The following HDAC9 variants were observed in gnomAD, a reference collection of about 807,000 sequenced individuals.
The protein encoded by HDAC9 is histone deacetylase 9, also known as MEF-2 interacting transcription repressor (MITR) protein.
In HDAC9, 41 loss-of-function variants were observed where a neutral mutation model predicts 139.4. The ratio of observed to expected loss-of-function variants is 0.29; its 90% CI spans 0.23 to 0.38. HDAC9 has a LOEUF of 0.38. HDAC9 is among the 10% of genes least tolerant of loss of function. The probability of loss-of-function intolerance (pLI) is 1.00; values close to 1 mark genes in which losing one functional copy is unlikely to be tolerated. For synonymous variants in HDAC9, 517 were observed against 476.2 expected, an observed-to-expected ratio of 1.09 and a Z score of -1.12; for missense variants, 1,147 against 1,297.0, an observed-to-expected ratio of 0.88 and a Z score of 1.78.
chr7:18,824,418 G>C (rs757689259), intron 17 of HDAC9, among the ~76,000 whole-genome samples: 1 of 152,178 alleles, frequency 6.6e-6, no homozygotes, highest in African/African-American at 2.4e-5. Context: ...GTTTAACCCA[G>C]ATAAGAAGGA....
chr7:18,308,394 G>A (rs1291967400), intron 1 of HDAC9, among the ~76,000 whole-genome samples: 1 of 152,110 alleles, frequency 6.6e-6, no homozygotes, highest in Non-Finnish European at 1.5e-5. Flanking sequence ...AGGTACACTC[G>A]AACTCTGATC....
intron 1 of HDAC9, among the ~76,000 whole-genome samples, chr7:18,482,814 C>T (rs983238688): frequency 4.3e-4 from 65 of 152,288 alleles, no homozygotes; most frequent in Middle Eastern, 3.4e-3. Context: ...GCTTGCTGCC[C>T]TCTCTGGTCA....
At chr7:18,275,999 C>T (rs1264588731) in intron 2 of HDAC9, among the ~76,000 whole-genome samples, 9 of 151,976 alleles carry the variant, frequency 5.9e-5, no homozygotes, top group South Asian at 2.1e-4. Context: ...AGTAGACTCT[C>T]GGTAAACATA....
In HDAC9 at chr7:18,233,383, A is replaced by G. The variant is rs150491165; in HGVS notation, c.25+71034A>G. Among the ~76,000 whole-genome samples, 988 of 151,492 alleles carry G rather than the reference A, an allele frequency of 6.5e-3. 16 individuals carry two copies. The highest frequency in any genetic ancestry group is 0.023 in the African/African-American group (955 of 41,512). On this transcript the variant is annotated intron_variant, in intron 2 of 12. Transcript: ENST00000417496. ...ATCTCTTGGACCATTAATTATGCCA[A>G]GGCGGTTTCAGTACTGATGAGACCC...
chr7:18,896,694 T>C (rs1483672734), intron 22 of HDAC9, among the ~76,000 whole-genome samples: 2 of 152,124 alleles, frequency 1.3e-5, no homozygotes, highest in African/African-American at 4.8e-5. Flanking sequence ...TGTTATAAGA[T>C]TTTATTTTTA....
intron 17 of HDAC9, among the ~76,000 whole-genome samples, chr7:18,825,526 C>A (rs1159915832): frequency 6.6e-6 from 1 of 151,908 alleles, no homozygotes; most frequent in Non-Finnish European, 1.5e-5. Context: ...TTTGTAAGAG[C>A]TTCTTTAGTG....
At chr7:18,273,055 C>CTTTTTTTTTTTTT (rs1491175072) in intron 2 of HDAC9, among the ~76,000 whole-genome samples, 1 of 68,232 alleles carries the variant, frequency 1.5e-5, no homozygotes, top group Non-Finnish European at 2.6e-5. Context: ...TCCCCTTCTT[C>CTTTTTTTTTTTTT]GTTTTTTTTT....
intron 1 of HDAC9, among the ~76,000 whole-genome samples, chr7:18,484,218 GCCTGTAGTC>G: frequency 6.6e-6 from 1 of 150,912 alleles, no homozygotes; most frequent in East Asian, 1.9e-4. Context: ...GGTGGTGTGT[GCCTGTAGTC>G]CCAGCGCTTG....
At chr7:18,511,737 T>C (rs1002353518) in intron 2 of HDAC9, among the ~76,000 whole-genome samples, 1 of 152,220 alleles carries the variant, frequency 6.6e-6, no homozygotes, top group Non-Finnish European at 1.5e-5. Flanking sequence ...AGATTATCTT[T>C]ATGCTTCACC....
At chr7:18,593,081 G>C (rs1050057013) in intron 5 of HDAC9, among the ~76,000 whole-genome samples, 1 of 151,974 alleles carries the variant, frequency 6.6e-6, no homozygotes, top group Non-Finnish European at 1.5e-5. Flanking sequence ...TTAATTTATA[G>C]AATCTGAATT....
chr7:18,208,741 A>T (rs570893443), intron 2 of HDAC9, among the ~76,000 whole-genome samples: 1 of 152,172 alleles, frequency 6.6e-6, no homozygotes, highest in Non-Finnish European at 1.5e-5. Context: ...TTTAAAAAAA[A>T]ATTTTATCTA....
intron 22 of HDAC9, chr7:18,899,241 T>C (rs1264588125): frequency 1.3e-5 from 2 of 152,052 alleles, no homozygotes; most frequent in Non-Finnish European, 2.9e-5. Flanking sequence ...ACACTTTTCT[T>C]GTAGTGCTTA....
intron 17 of HDAC9, among the ~76,000 whole-genome samples, chr7:18,799,398 GC>G (rs1793099029): frequency 6.6e-6 from 1 of 152,130 alleles, no homozygotes; most frequent in African/African-American, 2.4e-5. Flanking sequence ...AAGAAAGAAT[GC>G]CCCACACAGA....
At chr7:18,086,918 G>C (rs1245208593), upstream of HDAC9, 1 of 145,252 alleles carries the variant, frequency 6.9e-6, no homozygotes, top group Non-Finnish European at 1.5e-5. Context: ...CGGCGGCGGC[G>C]GCGGCGGCGG....
chr7:18,631,118 G>A (rs959035820), intron 7 of HDAC9, among the ~76,000 whole-genome samples: 2 of 151,932 alleles, frequency 1.3e-5, no homozygotes, highest in African/African-American at 2.4e-5. Flanking sequence ...AATTGCAGTG[G>A]CATTTAGCTC....
At chr7:18,655,371 T>C (rs918779299) in intron 11 of HDAC9, among the ~76,000 whole-genome samples, 1 of 152,176 alleles carries the variant, frequency 6.6e-6, no homozygotes, top group African/African-American at 2.4e-5. Flanking sequence ...AGATTATTTA[T>C]CTATCTATAG....
At chr7:18,756,414 A>G (rs1788880789) in intron 14 of HDAC9, among the ~76,000 whole-genome samples, 1 of 152,338 alleles carries the variant, frequency 6.6e-6, no homozygotes, top group Non-Finnish European at 1.5e-5. Context: ...CTTATTTTTC[A>G]ATTATGATTA....
intron 12 of HDAC9, chr7:18,667,886 A>G: frequency 1.0e-6 from 1 of 983,026 alleles, no homozygotes; most frequent in Non-Finnish European, 1.2e-6. Context: ...TTGTTAAGCT[A>G]GTTAAAGGTT....
chr7:18,141,610 C>G (rs1051267038), intron 1 of HDAC9, among the ~76,000 whole-genome samples: 7 of 152,226 alleles, frequency 4.6e-5, no homozygotes, highest in African/African-American at 1.7e-4. Flanking sequence ...TGCTGGGGCA[C>G]TTGGAGTCCA....
Sources: allele counts gnomAD v4.1 joint callset (sites outside exome capture counted in the v4.1 genomes callset), GRCh38; gene constraint gnomAD v4.1.1; transcripts MANE v1.5; gene names NCBI Gene and HGNC (gene_info 2026-07-23, HGNC 2026-07-21).